SLC25A26: variants seen among roughly 807,000 people sequenced by gnomAD.
The protein encoded by SLC25A26 is mitochondrial S-adenosylmethionine carrier protein.
A neutral mutation model predicts 37.8 loss-of-function variants in SLC25A26; 36 were observed. The observed-to-expected ratio is 0.95, with a 90% confidence interval of 0.73 to 1.26. The LOEUF is 1.26. Ranked by LOEUF, SLC25A26 falls within the 50% of genes most tolerant of loss-of-function variation. The pLI is 0.00. For missense variants in SLC25A26, 390 were observed against 331.1 expected (o/e 1.18, Z -1.38); for synonymous variants, 129 against 122.5 (o/e 1.05, Z -0.35).
chr3:66,201,204 T>C (rs1174529283), intron 1 of SLC25A26, among the ~76,000 whole-genome samples: 5 of 151,902 alleles, frequency 3.3e-5, no homozygotes, highest in East Asian at 1.9e-4. Flanking sequence ...ATGGTAATGA[T>C]TGTTTATATA....
intron 1 of SLC25A26, among the ~76,000 whole-genome samples, chr3:66,224,868 C>T (rs999523878): frequency 3.3e-5 from 5 of 152,206 alleles, no homozygotes; most frequent in Admixed American, 6.5e-5. Flanking sequence ...GGGCTGTAGG[C>T]CCCATGCAAG....
At chr3:66,329,522 C>T (rs1357512546) in intron 5 of SLC25A26, among the ~76,000 whole-genome samples, 1 of 151,986 alleles carries the variant, frequency 6.6e-6, no homozygotes, top group African/African-American at 2.4e-5. Context: ...ATTTCCTTAC[C>T]CCTAAGAATG....
At chr3:66,253,028 C>G (rs893895151) in intron 3 of SLC25A26, among the ~76,000 whole-genome samples, 2 of 147,018 alleles carry the variant, frequency 1.4e-5, no homozygotes, top group Non-Finnish European at 3.0e-5. Flanking sequence ...ATAATGCCCC[C>G]CCCCCCCCAT....
At chr3:66,251,323 G>T (rs553903791) in intron 3 of SLC25A26, among the ~76,000 whole-genome samples, 125 of 152,302 alleles carry the variant, frequency 8.2e-4, no homozygotes, top group Admixed American at 4.6e-3. Flanking sequence ...GATGCAGAGG[G>T]AGAGAGTGAG....
chr3:66,297,505 C>T (rs2074943435), intron 5 of SLC25A26, among the ~76,000 whole-genome samples: 1 of 152,146 alleles, frequency 6.6e-6, no homozygotes, highest in South Asian at 2.1e-4. Context: ...CTTAGTACAT[C>T]AGACATCAGG....
chr3:66,269,671 T>C (rs1416300268), intron 5 of SLC25A26, among the ~76,000 whole-genome samples: 1 of 152,178 alleles, frequency 6.6e-6, no homozygotes, highest in Non-Finnish European at 1.5e-5. Context: ...GCATCTTTAC[T>C]GTCCTTAAGG....
chr3:66,351,633 A>G (rs1384594654), intron 6 of SLC25A26, among the ~76,000 whole-genome samples: 1 of 152,150 alleles, frequency 6.6e-6, no homozygotes, highest in Non-Finnish European at 1.5e-5. Context: ...ATCCTCACTC[A>G]GGATGTCTCT....
At chr3:66,275,570 G>C (rs747803265) in intron 5 of SLC25A26, among the ~76,000 whole-genome samples, 10 of 151,916 alleles carry the variant, frequency 6.6e-5, no homozygotes, top group Non-Finnish European at 8.8e-5. Flanking sequence ...AATCATACTT[G>C]CTTCTCAAAA....
At chr3:66,218,355 G>A (rs2071392783), upstream of SLC25A26, among the ~76,000 whole-genome samples, 1 of 152,154 alleles carries the variant, frequency 6.6e-6, no homozygotes, top group South Asian at 2.1e-4. Flanking sequence ...CCTAAGTGTG[G>A]CATTGGATTT....
chr3:66,325,881 C>T (rs777442823), intron 5 of SLC25A26, among the ~76,000 whole-genome samples: 18 of 152,208 alleles, frequency 1.2e-4, no homozygotes, highest in Non-Finnish European at 2.4e-4. Flanking sequence ...TCTGGCTCTT[C>T]TGGAGAATGG....
chr3:66,156,284 G>C (rs2070281724), intron 1 of SLC25A26, among the ~76,000 whole-genome samples: 1 of 152,182 alleles, frequency 6.6e-6, no homozygotes, highest in African/African-American at 2.4e-5. Context: ...TGGGGTTACA[G>C]CAGTAACAAG....
intron 1 of SLC25A26, among the ~76,000 whole-genome samples, chr3:66,215,714 C>G (rs963005295): frequency 1.3e-5 from 2 of 152,072 alleles, no homozygotes; most frequent in Non-Finnish European, 2.9e-5. Flanking sequence ...TTCAAACAGG[C>G]CTTTAAAATT....
chr3:66,183,256 T>C (rs1481892997), intron 1 of SLC25A26, among the ~76,000 whole-genome samples: 1 of 151,994 alleles, frequency 6.6e-6, no homozygotes, highest in Non-Finnish European at 1.5e-5. Flanking sequence ...CCATTCACTC[T>C]GACACAGGAC....
At chr3:66,215,820 C>T (rs2071352477) in intron 1 of SLC25A26, among the ~76,000 whole-genome samples, 1 of 152,142 alleles carries the variant, frequency 6.6e-6, no homozygotes. Flanking sequence ...ATGATTCTAA[C>T]TGTTGTCTTA....
At chr3:66,297,729 C>G (rs142780815) in intron 5 of SLC25A26, among the ~76,000 whole-genome samples, 3 of 152,316 alleles carry the variant, frequency 2.0e-5, no homozygotes, top group African/African-American at 7.2e-5. Context: ...TTTCACACAA[C>G]AGTGGCAGAG....
intron 2 of SLC25A26, among the ~76,000 whole-genome samples, chr3:66,238,115 G>T (rs145041643): frequency 2.6e-5 from 4 of 152,160 alleles, no homozygotes; most frequent in Non-Finnish European, 4.4e-5. Flanking sequence ...TTTTAAGTAC[G>T]TGAGAGGGGC....
chr3:66,171,660 C>T (rs2070501709), intron 1 of SLC25A26, among the ~76,000 whole-genome samples: 1 of 152,064 alleles, frequency 6.6e-6, no homozygotes. Flanking sequence ...TGGCTACTTT[C>T]TGTATTTTTA....
chr3:66,365,052 A>C (rs1309156749), intron 7 of SLC25A26, among the ~76,000 whole-genome samples: 2 of 152,242 alleles, frequency 1.3e-5, no homozygotes, highest in Non-Finnish European at 2.9e-5. Flanking sequence ...CATCACTTGA[A>C]AATATTCCCA....
intron 1 of SLC25A26, among the ~76,000 whole-genome samples, chr3:66,137,974 C>G (rs1275143901): frequency 6.6e-6 from 1 of 152,128 alleles, no homozygotes; most frequent in Non-Finnish European, 1.5e-5. Flanking sequence ...GCTGGGATTA[C>G]AGGCGTGCAT....
Sources: allele counts gnomAD v4.1 joint callset (sites outside exome capture counted in the v4.1 genomes callset), GRCh38; gene constraint gnomAD v4.1.1; transcripts MANE v1.5; gene names NCBI Gene and HGNC (gene_info 2026-07-23, HGNC 2026-07-21).